Variants in PTPRN2 observed in about 807,000 individuals in gnomAD.
PTPRN2 encodes protein tyrosine phosphatase receptor type N2, also known as receptor-type tyrosine-protein phosphatase N2.
A neutral mutation model predicts 118.8 loss-of-function variants in PTPRN2; 74 were observed. The ratio of observed to expected loss-of-function variants is 0.62; its 90% CI spans 0.52 to 0.76. PTPRN2 has a LOEUF of 0.76. PTPRN2 is among the 30% of genes least tolerant of loss of function. PTPRN2 has a pLI of 0.00. For synonymous variants in PTPRN2, 641 were observed against 608.0 expected (o/e 1.05, Z -0.80); for missense variants, 1,481 against 1,394.4 (o/e 1.06, Z -0.99).
intron 16 of PTPRN2, among the ~76,000 whole-genome samples, chr7:157,597,986 G>A (rs945500722): frequency 8.5e-5 from 13 of 152,232 alleles, no homozygotes; most frequent in Non-Finnish European, 1.6e-4. Context: ...AACTGCAAAG[G>A]CCACAGGCAG....
intron 3 of PTPRN2, among the ~76,000 whole-genome samples, chr7:158,220,080 G>T (rs551167888): frequency 6.6e-6 from 1 of 152,104 alleles, no homozygotes; most frequent in Non-Finnish European, 1.5e-5. Context: ...AATAGATACA[G>T]GAAGGGCTTT....
intron 5 of PTPRN2, among the ~76,000 whole-genome samples, chr7:158,173,647 G>T (rs1450983798): frequency 6.6e-6 from 1 of 152,194 alleles, no homozygotes; most frequent in Non-Finnish European, 1.5e-5. Flanking sequence ...CCCAATCCTG[G>T]TAAGCCTGAG....
chr7:157,611,824 C>T lies in PTPRN2; in HGVS notation c.2345-7749G>A, dbSNP rs1283888895. 1.4e-5 allele frequency among the ~76,000 whole-genome samples: 2 copies of T among 146,598 alleles called. No homozygotes were observed. Among genetic ancestry groups the T allele is most frequent in the Non-Finnish European group, 3.0e-5 (2 of 66,282 alleles). ...GAGAGCGCCCGTGTGAAGACGAAGA[C>T]AGCCGCAGTCATGCTGGGGACACGC... On this transcript the variant is annotated intron_variant, in intron 15 of 22. Transcript: ENST00000389418. The surrounding 1 kb of genome is among the most constrained non-coding windows in gnomAD (Gnocchi z 5.9).
At chr7:158,243,438 T>C (rs965938634) in intron 3 of PTPRN2, among the ~76,000 whole-genome samples, 2 of 152,128 alleles carry the variant, frequency 1.3e-5, no homozygotes, top group African/African-American at 4.8e-5. Context: ...CTGGTCACTG[T>C]AGTGAGAGGA....
At chr7:158,074,909 C>T (rs577534827) in intron 11 of PTPRN2, among the ~76,000 whole-genome samples, 5 of 152,358 alleles carry the variant, frequency 3.3e-5, no homozygotes, top group East Asian at 3.9e-4. Context: ...AGAAAAGTGG[C>T]TGCTGAGCAA....
chr7:158,069,749 C>T (rs758612667), intron 11 of PTPRN2, among the ~76,000 whole-genome samples: 2 of 152,224 alleles, frequency 1.3e-5, no homozygotes, highest in African/African-American at 2.4e-5. Context: ...TTTCCCACTC[C>T]AGGCATTCGT....
chr7:158,138,558 A>G (rs1819066127), intron 6 of PTPRN2, 43 bp from the exon 7 acceptor site: 2 of 1,577,200 alleles, frequency 1.3e-6, no homozygotes, highest in Non-Finnish European at 1.7e-6. Context: ...TGGGTGGACG[A>G]ATGCAAAGGT....
At chr7:157,738,981 C>T (rs1377563325) in intron 12 of PTPRN2, 4 of 152,198 alleles carry the variant, frequency 2.6e-5, no homozygotes, top group East Asian at 1.9e-4. Context: ...GATTTAACTT[C>T]GCATTAGGGG....
intron 10 of PTPRN2, among the ~76,000 whole-genome samples, chr7:158,103,201 C>A: frequency 6.6e-6 from 1 of 152,136 alleles, no homozygotes; most frequent in East Asian, 1.9e-4. Flanking sequence ...CCTGGGCCCA[C>A]GATGAGTTCC....
At chr7:157,668,266 C>T (rs1257713636) in intron 13 of PTPRN2, among the ~76,000 whole-genome samples, 1 of 152,246 alleles carries the variant, frequency 6.6e-6, no homozygotes, top group African/African-American at 2.4e-5. Context: ...TGTCTCATCT[C>T]TTAACTCAGC....
At chr7:158,440,486 G>A (rs1299785799) in intron 2 of PTPRN2, among the ~76,000 whole-genome samples, 2 of 151,728 alleles carry the variant, frequency 1.3e-5, no homozygotes, top group South Asian at 2.1e-4. Flanking sequence ...GGTGATGATG[G>A]TGGTGATGGT....
At chr7:157,658,340 C>T (rs1015711521) in intron 13 of PTPRN2, among the ~76,000 whole-genome samples, 7 of 152,102 alleles carry the variant, frequency 4.6e-5, no homozygotes, top group African/African-American at 1.2e-4. Flanking sequence ...TGGAGCCGTG[C>T]GGGAGACAGA....
chr7:158,299,490 G>A (rs1800730686), intron 3 of PTPRN2, among the ~76,000 whole-genome samples: 1 of 152,042 alleles, frequency 6.6e-6, no homozygotes, highest in Non-Finnish European at 1.5e-5. Flanking sequence ...TAGAGATGGG[G>A]TTTCACCATG....
At chr7:157,778,813 C>T (rs1803501450) in intron 12 of PTPRN2, among the ~76,000 whole-genome samples, 1 of 151,358 alleles carries the variant, frequency 6.6e-6, no homozygotes, top group Admixed American at 6.6e-5. Flanking sequence ...AATACAGGTG[C>T]CGCCGAATGC....
intron 11 of PTPRN2, among the ~76,000 whole-genome samples, chr7:158,002,869 G>C (rs1805373623): frequency 6.6e-6 from 1 of 152,204 alleles, no homozygotes; most frequent in Admixed American, 6.5e-5. Flanking sequence ...GACCACCCTG[G>C]CGTGGACACG....
chr7:157,870,893 T>C (rs2151259414), intron 12 of PTPRN2, among the ~76,000 whole-genome samples: 1 of 152,356 alleles, frequency 6.6e-6, no homozygotes. Flanking sequence ...TTAAAGTACT[T>C]TGATGTTGAT....
Position 157,861,256 on chromosome 7 carries a change from A to G in PTPRN2, c.1788+37417T>C, listed in dbSNP as rs2151233451. Among the ~76,000 whole-genome samples, 1 of 152,352 alleles carries G rather than the reference A, an allele frequency of 6.6e-6. No individual in the cohort carries two copies. Among genetic ancestry groups the G allele is most frequent in the South Asian group, 2.1e-4 (1 of 4,830 alleles). On this transcript the variant is annotated intron_variant, in intron 12 of 22. Transcript: ENST00000389418. The surrounding 1 kb of genome is among the most constrained non-coding windows in gnomAD (Gnocchi z 5.8). ...TGTACCTTTTACATACGTGAAGTCT[A>G]TACAATAATGGAACCGAAGCCCTCT...
Position 157,784,369 on chromosome 7 carries a change from G to A in PTPRN2, c.1789-101432C>T, listed in dbSNP as rs1382097241. ...CCCCTCGAACCTTCACCCGGGGCTCGTTTGCTGCTTCACACTGGAGGAGGT... is the reference window on the plus strand; with the variant it reads ...CCCCTCGAACCTTCACCCGGGGCTCATTTGCTGCTTCACACTGGAGGAGGT... On this transcript the variant is annotated intron_variant, in intron 12 of 22. Transcript: ENST00000389418. This position sits in a 1 kb window ranked among gnomAD's most constrained non-coding sequence, Gnocchi z 4.6. Among the ~76,000 whole-genome samples the A allele has an allele frequency of 1.3e-5, 2 of 152,078 alleles. No homozygotes were observed. Among genetic ancestry groups the A allele is most frequent in the Non-Finnish European group, 2.9e-5 (2 of 68,004 alleles).
At chr7:158,328,236 G>A (rs908392105) in intron 2 of PTPRN2, among the ~76,000 whole-genome samples, 3 of 152,182 alleles carry the variant, frequency 2.0e-5, no homozygotes, top group African/African-American at 7.2e-5. Flanking sequence ...AGACAGCAAT[G>A]GCTTCTGAGG....
Sources: gnomAD v4.1 joint callset for allele counts (sites outside exome capture counted in the v4.1 genomes callset) on GRCh38, gnomAD v4.1.1 for gene constraint, Gnocchi (gnomAD v3.1) non-coding constraint, MANE v1.5 for transcripts, NCBI Gene and HGNC (gene_info 2026-07-23, HGNC 2026-07-21) for gene names.